TTC13: variants seen among roughly 807,000 people sequenced by gnomAD.
TTC13 encodes tetratricopeptide repeat domain 13, also known as tetratricopeptide repeat protein 13.
A neutral mutation model predicts 120.0 loss-of-function variants in TTC13; 62 were observed. The observed-to-expected ratio is 0.52, with a 90% CI of 0.42 to 0.64. TTC13 has a LOEUF of 0.64. Ranked by LOEUF, TTC13 falls within the 30% of genes least tolerant of loss-of-function variation. The pLI, the probability that TTC13 is intolerant of heterozygous loss-of-function variation, is 0.00. For missense variants in TTC13, 824 were observed against 1,050.2 expected, an observed-to-expected ratio of 0.78 and a Z score of 2.98; for synonymous variants, 384 against 393.5, an observed-to-expected ratio of 0.98 and a Z score of 0.28.
chr1:230,965,504 A>G (rs1208155803), intron 1 of TTC13, among the ~76,000 whole-genome samples: 1 of 152,222 alleles, frequency 6.6e-6, no homozygotes, highest in African/African-American at 2.4e-5. Flanking sequence ...AAAGGGGAAC[A>G]CTTGTACACT....
intron 18 of TTC13, 125 bp from the exon 19 acceptor site, chr1:230,912,883 T>G: frequency 2.4e-6 from 2 of 831,310 alleles, no homozygotes; most frequent in Non-Finnish European, 3.7e-6. Flanking sequence ...GAATGTACCT[T>G]ACCTTTCTAA....
At chr1:230,928,795 G>T in intron 12 of TTC13, 142 bp downstream of exon 12, 3 of 747,298 alleles carry the variant, frequency 4.0e-6, no homozygotes, top group Non-Finnish European at 6.6e-6. Flanking sequence ...CAGGCACAAG[G>T]ATAGTATGCT....
At chr1:230,975,325 G>C (rs932476628) in intron 1 of TTC13, among the ~76,000 whole-genome samples, 5 of 152,114 alleles carry the variant, frequency 3.3e-5, no homozygotes, top group African/African-American at 7.2e-5. Context: ...AGTGAGCTAT[G>C]ACAGCACCAA....
intron 4 of TTC13, among the ~76,000 whole-genome samples, chr1:230,947,890 C>A (rs1675159085): frequency 6.6e-6 from 1 of 152,168 alleles, no homozygotes; most frequent in Non-Finnish European, 1.5e-5. Context: ...TCCTCCTGCT[C>A]TCCAGGTCAC....
chr1:230,946,303 C>G (rs1406064353), intron 4 of TTC13, among the ~76,000 whole-genome samples: 1 of 152,176 alleles, frequency 6.6e-6, no homozygotes, highest in Non-Finnish European at 1.5e-5. Flanking sequence ...GCACTGGATT[C>G]TCCAGAAAGA....
chr1:230,972,752 T>C (rs922057897), intron 1 of TTC13, among the ~76,000 whole-genome samples: 1 of 152,200 alleles, frequency 6.6e-6, no homozygotes, highest in African/African-American at 2.4e-5. Flanking sequence ...TAGCAGTATG[T>C]AGATCTTTTA....
At chr1:230,915,902 C>CA (rs1558167305) in intron 18 of TTC13, among the ~76,000 whole-genome samples, 4 of 78,716 alleles carry the variant, frequency 5.1e-5, no homozygotes, top group African/African-American at 9.5e-5. Context: ...AAGCCTCCCT[C>CA]GCCCCCCCAA....
In TTC13 at chr1:230,928,938, T is replaced by G. The variant is rs571272580; in HGVS notation, c.1456A>C (p.Lys486Gln). ...ATCATCTTCATTTAAAGCACTTACT[T>G]TATGTGGGGTTGCAACCCTGGCTGC... ...EEQPGLQPHI[K>Q]DVLHQNFESY... The change falls in exon 12 of 23, where the codon AAA becomes CAA. Residue 486 changes from lysine to glutamine, a missense_variant and splice_region_variant. This residue lies in a region of TTC13 where 430 missense variants were observed against 626.8 expected (regional missense o/e 0.69). Coordinates refer to ENST00000366661, the MANE Select transcript of TTC13 (RefSeq NM_024525.5). 7.6e-5 allele frequency: 122 copies of G among 1,613,720 alleles called. No individual in the cohort carries two copies. In the East Asian group the frequency reaches 1.5e-3, roughly 19 times the overall value.
chr1:230,942,979 A>G lies in TTC13; in HGVS notation c.672+827T>C, dbSNP rs1251932273. Among the ~76,000 whole-genome samples the G allele has an allele frequency of 6.6e-6, 1 of 152,204 alleles. No homozygotes were observed. Among genetic ancestry groups the G allele is most frequent in the Non-Finnish European group, 1.5e-5 (1 of 68,040 alleles). ...CAAGTTCCTTTAAGATGTGGCTGTC[A>G]TCATCCTCACTTGATCTATGTATCC... On this transcript the variant is annotated intron_variant, in intron 6 of 22. Coordinates refer to ENST00000366661, the MANE Select transcript of TTC13 (RefSeq NM_024525.5). The surrounding 1 kb of genome is among the most constrained non-coding windows in gnomAD (Gnocchi z 4.0).
rs1211545230 is a variant in TTC13 at position 230,940,594 on chromosome 1, T to C, written c.673-38A>G. 1 of 1,329,918 alleles carries C rather than the reference T, an allele frequency of 7.5e-7. No homozygotes were observed. The highest frequency in any genetic ancestry group is 2.3e-5 in the East Asian group (1 of 43,388). 82.4% of individuals were successfully genotyped at this position (1,329,918 alleles called of 1,614,324 possible). A position where few individuals can be genotyped will look rare whatever the true frequency, so the allele number is the denominator to read the frequency against. On this transcript the variant is annotated intron_variant, in intron 6 of 22. Transcript: ENST00000366661. The surrounding 1 kb of genome is among the most constrained non-coding windows in gnomAD (Gnocchi z 4.1). ...AACATGTAATCAGGAAGAATACCAA[T>C]GACCAACCCTAAAATCCCAATGTTT... is the stretch of plus-strand genomic sequence containing the variant.
At chr1:230,911,709 T>C (rs932750334) in intron 19 of TTC13, among the ~76,000 whole-genome samples, 160 bp from the exon 20 acceptor site, 4 of 152,224 alleles carry the variant, frequency 2.6e-5, no homozygotes, top group Non-Finnish European at 4.4e-5. Context: ...TTCTATACCC[T>C]TTTGTATCAT....
At chr1:230,959,319 T>G (rs1328021571) in intron 2 of TTC13, among the ~76,000 whole-genome samples, 5 of 152,016 alleles carry the variant, frequency 3.3e-5, no homozygotes, top group South Asian at 2.1e-4. Context: ...AGAATATATC[T>G]GATTTTAAGT....
chr1:230,954,999 T>G lies in TTC13; in HGVS notation c.443-596A>C, dbSNP rs74735987. ...TCAAAACGCTACTCAAAATATACAC[T>G]AAAGATGAACCACTTTGTATCACGT... On this transcript the variant is annotated intron_variant, in intron 3 of 22. Transcript: ENST00000366661. Among the ~76,000 whole-genome samples the G allele has an allele frequency of 5.8e-3, 880 of 152,316 alleles. 60 individuals carry two copies. In the East Asian group the frequency reaches 0.14, roughly 25 times the overall value.
intron 18 of TTC13, 123 bp downstream of exon 18, chr1:230,916,070 T>C (rs1280467435): frequency 5.3e-6 from 4 of 749,610 alleles, no homozygotes; most frequent in Admixed American, 2.0e-5. Context: ...TCACTGGACC[T>C]TGATACTTTT....
rs1035248142 is a variant in TTC13, at chr1:230,978,188, C to T, written c.271+372G>A. ...CTGGTTGCTCGTCCGCCCGCCCCTC[C>T]CTCGCCCCTTCGGCATCCTCGGGAG... On this transcript the variant is annotated intron_variant, in intron 1 of 22. Coordinates refer to ENST00000366661, the MANE Select transcript of TTC13 (RefSeq NM_024525.5). The surrounding 1 kb of genome is among the most constrained non-coding windows in gnomAD (Gnocchi z 5.6). Among the ~76,000 whole-genome samples the T allele has an allele frequency of 6.6e-6, 1 of 152,222 alleles. No homozygotes were observed. The highest frequency in any genetic ancestry group is 2.1e-4 in the South Asian group (1 of 4,836).
chr1:230,968,538 C>T (rs1677392096), intron 1 of TTC13, among the ~76,000 whole-genome samples: 1 of 152,066 alleles, frequency 6.6e-6, no homozygotes, highest in South Asian at 2.1e-4. Flanking sequence ...ACATCACTAA[C>T]AGGTGTCTAA....
At chr1:230,973,894 G>A (rs890112461) in intron 1 of TTC13, among the ~76,000 whole-genome samples, 6 of 151,988 alleles carry the variant, frequency 3.9e-5, no homozygotes, top group Non-Finnish European at 7.4e-5. Flanking sequence ...TGGCCAACAT[G>A]GTGAAACCCC....
chr1:230,969,078 C>T (rs1015774528), intron 1 of TTC13, among the ~76,000 whole-genome samples: 2 of 151,970 alleles, frequency 1.3e-5, no homozygotes, highest in Admixed American at 6.6e-5. Context: ...ATCGAGACCA[C>T]GGTGAAACCC....
At chr1:230,917,031 C>T (rs1388536347) in intron 17 of TTC13, among the ~76,000 whole-genome samples, 1 of 151,466 alleles carries the variant, frequency 6.6e-6, no homozygotes, top group Admixed American at 6.6e-5. Context: ...AGAGAAGCAA[C>T]AGTAAAGTAC....
Sources: allele counts gnomAD v4.1 joint callset (sites outside exome capture counted in the v4.1 genomes callset), GRCh38; gene constraint gnomAD v4.1.1; regional missense constraint gnomAD v4.1.1; non-coding constraint Gnocchi (gnomAD v3.1); transcripts MANE v1.5; gene names NCBI Gene and HGNC (gene_info 2026-07-23, HGNC 2026-07-21).